The following SOCS6 variants were observed in gnomAD, a reference collection of about 807,000 sequenced individuals.
The protein encoded by SOCS6 is suppressor of cytokine signaling 6.
In SOCS6, 5 loss-of-function variants were observed where a neutral mutation model predicts 27.7. That is an observed-to-expected ratio of 0.18 (90% CI 0.09 to 0.38). SOCS6 has a LOEUF of 0.38. SOCS6 is among the 10% of genes least tolerant of loss of function. The probability of loss-of-function intolerance (pLI) is 1.00; values close to 1 mark genes in which losing one functional copy is unlikely to be tolerated. For synonymous variants in SOCS6, 271 were observed against 260.0 expected, an observed-to-expected ratio of 1.04 and a Z score of -0.41; for missense variants, 595 against 688.1, an observed-to-expected ratio of 0.86 and a Z score of 1.51.
intron 1 of SOCS6, among the ~76,000 whole-genome samples, chr18:70,319,552 G>A (rs932304614): frequency 7.0e-6 from 1 of 142,626 alleles, no homozygotes; most frequent in Admixed American, 7.4e-5. Context: ...GCACCAAACT[G>A]TAATAGTAAA....
At chr18:70,289,322 C>T (rs2062287451) in intron 1 of SOCS6, among the ~76,000 whole-genome samples, 1 of 148,410 alleles carries the variant, frequency 6.7e-6, no homozygotes, top group Non-Finnish European at 1.5e-5. Flanking sequence ...GGCCGGGGAA[C>T]GGGGGCCGGG....
chr18:70,305,658 A>G (rs2062366104), intron 1 of SOCS6, among the ~76,000 whole-genome samples: 1 of 152,258 alleles, frequency 6.6e-6, no homozygotes. Context: ...AAGAATTGCC[A>G]TATTAATAAT....
chr18:70,298,006 A>C (rs1268419426), intron 1 of SOCS6, among the ~76,000 whole-genome samples: 1 of 152,158 alleles, frequency 6.6e-6, no homozygotes, highest in Non-Finnish European at 1.5e-5. Flanking sequence ...TTTAAATTAG[A>C]GCTTTTGTGT....
intron 1 of SOCS6, among the ~76,000 whole-genome samples, chr18:70,289,462 C>G (rs1198197048): frequency 6.8e-6 from 1 of 147,328 alleles, no homozygotes; most frequent in Admixed American, 6.7e-5. Flanking sequence ...CCGCGGCGCG[C>G]CGGCCTGGGC....
rs1306311352 is a variant in SOCS6 at position 70,329,993 on chromosome 18, T to G, written c.*3717T>G. 6.0e-6 allele frequency: 1 copy of G among 167,092 alleles called. No homozygotes were observed. Among genetic ancestry groups the G allele is most frequent in the Non-Finnish European group, 1.5e-5 (1 of 68,124 alleles). The allele number at this position is 167,092 out of a possible 1,614,324, so 10.4% of individuals were successfully genotyped here. ...CAATTCAGATTGCGGTAGTTTACACTTTTTCTGTATGTTTCAAATCAGGTG... is the reference window on the plus strand; with the variant it reads ...CAATTCAGATTGCGGTAGTTTACACGTTTTCTGTATGTTTCAAATCAGGTG... On this transcript the variant is annotated 3_prime_UTR_variant, in exon 2 of 2. Transcript: ENST00000397942.
chr18:70,312,081 C>T, intron 1 of SOCS6, among the ~76,000 whole-genome samples: 1 of 152,204 alleles, frequency 6.6e-6, no homozygotes, highest in East Asian at 1.9e-4. Context: ...AAAAACATCA[C>T]ATATATTAAT....
Position 70,305,995 on chromosome 18 carries a change from T to C in SOCS6, c.-127+16905T>C, listed in dbSNP as rs186927519. On this transcript the variant is annotated intron_variant, in intron 1 of 1. Transcript: ENST00000397942. ...GCTTATGCCTATAATCTCAGCACTT[T>C]GGGAGGCCAAGGCTGGAGGATCGCT... Among the ~76,000 whole-genome samples the C allele has an allele frequency of 3.7e-3, 570 of 152,198 alleles. 1 individual carries two copies. Among genetic ancestry groups the C allele is most frequent in the Non-Finnish European group, 6.1e-3 (412 of 68,004 alleles).
intron 1 of SOCS6, among the ~76,000 whole-genome samples, chr18:70,293,628 A>T (rs1326956302): frequency 6.6e-6 from 1 of 152,228 alleles, no homozygotes; most frequent in Non-Finnish European, 1.5e-5. Context: ...CCAGAGACTT[A>T]GAAGCCCTCC....
rs543419433 is a variant in SOCS6, at chr18:70,315,210, A to G, written c.-126-9333A>G. Among the ~76,000 whole-genome samples the G allele has an allele frequency of 4.6e-5, 7 of 152,204 alleles. No homozygotes were observed. In the South Asian group the frequency reaches 1.5e-3, roughly 32 times the overall value. Reference sequence around the variant, plus strand: ...TGGTATCAGTATACTTTTGACCTCAACAATAAATTTGGGAGCTTTCTGTTT... The same window carrying G: ...TGGTATCAGTATACTTTTGACCTCAGCAATAAATTTGGGAGCTTTCTGTTT... On this transcript the variant is annotated intron_variant, in intron 1 of 1. Transcript: ENST00000397942.
chr18:70,310,929 T>C (rs370095518), intron 1 of SOCS6, among the ~76,000 whole-genome samples: 21 of 152,208 alleles, frequency 1.4e-4, no homozygotes, highest in African/African-American at 4.6e-4. Flanking sequence ...CAGTTTGCTC[T>C]TCTATAAAAC....
intron 1 of SOCS6, among the ~76,000 whole-genome samples, chr18:70,310,705 G>A (rs1423380320): frequency 6.6e-6 from 1 of 151,996 alleles, no homozygotes; most frequent in Non-Finnish European, 1.5e-5. Context: ...GATGTCCAAG[G>A]TCATTAGGAA....
intron 1 of SOCS6, among the ~76,000 whole-genome samples, chr18:70,305,524 G>A (rs2062365601): frequency 6.6e-6 from 1 of 152,180 alleles, no homozygotes; most frequent in African/African-American, 2.4e-5. Context: ...ATTGGATAGT[G>A]TAACTTTGTT....
chr18:70,299,899 G>T (rs1365846532), intron 1 of SOCS6, among the ~76,000 whole-genome samples: 6 of 152,070 alleles, frequency 3.9e-5, no homozygotes, highest in Admixed American at 3.9e-4. Flanking sequence ...TAAAGTATGG[G>T]GAGGATGTAC....
At position 70,329,838 on chromosome 18, in the gene SOCS6, G is replaced by A. The variant is rs1911350670; in HGVS notation, c.*3562G>A. 1 of 167,018 alleles carries A rather than the reference G, an allele frequency of 6.0e-6. No individual in the cohort carries two copies. The highest frequency in any genetic ancestry group is 2.4e-5 in the African/African-American group (1 of 41,444). The allele number at this position is 167,018 out of a possible 1,614,324, so 10.3% of individuals were successfully genotyped here. A position where few individuals can be genotyped will look rare whatever the true frequency, so the allele number is the denominator to read the frequency against. ...TAACATGGCGAAGTGTGTAGTTGCT[G>A]TTTCTGAAAAGTGATCCAAACTCTA... is the stretch of plus-strand genomic sequence containing the variant. On this transcript the variant is annotated 3_prime_UTR_variant, in exon 2 of 2. Coordinates refer to ENST00000397942, the MANE Select transcript of SOCS6 (RefSeq NM_004232.4).
intron 1 of SOCS6, among the ~76,000 whole-genome samples, chr18:70,296,149 C>T (rs1361625145): frequency 6.6e-6 from 1 of 152,160 alleles, no homozygotes; most frequent in Non-Finnish European, 1.5e-5. Context: ...TGAAGCTCAT[C>T]CTCATAGTGA....
At chr18:70,290,790 G>A (rs1305912536) in intron 1 of SOCS6, among the ~76,000 whole-genome samples, 1 of 144,052 alleles carries the variant, frequency 6.9e-6, no homozygotes, top group Non-Finnish European at 1.6e-5. Flanking sequence ...CATCTCTTTT[G>A]AAACACTGTT....
Position 70,324,947 on chromosome 18 carries a change from A to G in SOCS6, c.279A>G (p.Thr93=), listed in dbSNP as rs779691105. ...AKQKSKGKAG[T]PSGSSADEDT... is the part of the protein sequence containing the mutation. ...AGAAGTCAAAAGGCAAGGCGGGCAC[A>G]CCCTCTGGGAGCTCTGCCGACGAGG... Residue 93 remains threonine, a synonymous_variant, in exon 2 of 2, where the codon ACA becomes ACG. Transcript: ENST00000397942. 1.2e-6 allele frequency: 2 copies of G among 1,614,130 alleles called. No homozygotes were observed. The highest frequency in any genetic ancestry group is 2.2e-5 in the South Asian group (2 of 91,074).
At chr18:70,303,272 G>T (rs1335545232) in intron 1 of SOCS6, among the ~76,000 whole-genome samples, 1 of 151,804 alleles carries the variant, frequency 6.6e-6, no homozygotes, top group African/African-American at 2.4e-5. Flanking sequence ...AATTTCACTG[G>T]TTCTCTAAAG....
At chr18:70,309,598 G>A (rs550236654) in intron 1 of SOCS6, among the ~76,000 whole-genome samples, 57 of 152,172 alleles carry the variant, frequency 3.7e-4, no homozygotes, top group African/African-American at 1.3e-3. Context: ...ACCACAATCT[G>A]CTTCAAAATA....
Sources: allele counts gnomAD v4.1 joint callset (sites outside exome capture counted in the v4.1 genomes callset), GRCh38; gene constraint gnomAD v4.1.1; transcripts MANE v1.5; gene names NCBI Gene and HGNC (gene_info 2026-07-23, HGNC 2026-07-21).